The following CDH18 variants were observed in gnomAD, a reference collection of about 807,000 sequenced individuals.
CDH18 encodes cadherin 18.
A neutral mutation model predicts 67.9 loss-of-function variants in CDH18; 31 were observed. That is an observed-to-expected ratio of 0.46 (90% CI 0.34 to 0.62). The LOEUF is 0.62. Ranked by LOEUF, CDH18 falls within the 20% of genes least tolerant of loss-of-function variation. The probability of loss-of-function intolerance (pLI) is 0.01; values close to 1 mark genes in which losing one functional copy is unlikely to be tolerated. For synonymous variants in CDH18, 362 were observed against 347.2 expected, an observed-to-expected ratio of 1.04 and a Z score of -0.48; for missense variants, 890 against 975.5, an observed-to-expected ratio of 0.91 and a Z score of 1.17.
intron 2 of CDH18, among the ~76,000 whole-genome samples, chr5:19,857,945 T>C (rs1784480502): frequency 6.6e-6 from 1 of 152,202 alleles, no homozygotes; most frequent in South Asian, 2.1e-4. Context: ...TAAAAATCTA[T>C]CTAATATTAA....
chr5:19,733,598 A>G (rs930635927), intron 4 of CDH18, among the ~76,000 whole-genome samples: 2 of 152,070 alleles, frequency 1.3e-5, no homozygotes, highest in Non-Finnish European at 2.9e-5. Flanking sequence ...GGGTGCCCAG[A>G]AAGTCTATAA....
chr5:20,418,697 CTTAAGT>C (rs1747559398), intron 1 of CDH18, among the ~76,000 whole-genome samples: 2 of 151,850 alleles, frequency 1.3e-5, no homozygotes, highest in Non-Finnish European at 2.9e-5. Flanking sequence ...TGTAAGACAA[CTTAAGT>C]TTAACTGTGT....
intron 5 of CDH18, among the ~76,000 whole-genome samples, chr5:19,688,285 G>A (rs1761394133): frequency 6.6e-6 from 1 of 152,130 alleles, no homozygotes; most frequent in South Asian, 2.1e-4. Context: ...ACACTGCCTG[G>A]GAGCCTAGTG....
intron 2 of CDH18, among the ~76,000 whole-genome samples, chr5:20,174,898 T>C (rs1737112837): frequency 6.6e-6 from 1 of 152,166 alleles, no homozygotes; most frequent in African/African-American, 2.4e-5. Context: ...TGACTTTTTT[T>C]GCAATAAGCA....
chr5:20,498,334 A>T (rs1754035041), intron 1 of CDH18, among the ~76,000 whole-genome samples: 1 of 152,106 alleles, frequency 6.6e-6, no homozygotes, highest in African/African-American at 2.4e-5. Flanking sequence ...ATGTAACACA[A>T]TCAGCTGCAT....
intron 1 of CDH18, among the ~76,000 whole-genome samples, chr5:20,334,785 C>CAT (rs1739570910): frequency 1.3e-5 from 2 of 148,964 alleles, no homozygotes; most frequent in South Asian, 4.2e-4. Flanking sequence ...CACACACACA[C>CAT]ACACACAAAT....
chr5:19,984,023 C>T lies in CDH18; in HGVS notation c.-375-2845G>A, dbSNP rs1015210241. The stretch of plus-strand genomic sequence containing the variant: ...CTTCAACATTGAACTAAGCATCAGA[C>T]CTATGCCTAATGGCACACTGGACTC... On this transcript the variant is annotated intron_variant, in intron 1 of 12. Transcript: ENST00000382275. Among the ~76,000 whole-genome samples the T allele has an allele frequency of 2.6e-5, 4 of 152,196 alleles. No individual in the cohort carries two copies. The South Asian group carries it at 8.3e-4, about 32-fold the overall frequency.
intron 8 of CDH18, among the ~76,000 whole-genome samples, chr5:19,549,604 G>T (rs951988907): frequency 8.4e-6 from 1 of 119,492 alleles, no homozygotes; most frequent in Non-Finnish European, 1.7e-5. Context: ...TTCGGGAAAA[G>T]AAGAAAATAA....
chr5:19,918,513 C>A (rs1792074827), intron 2 of CDH18, among the ~76,000 whole-genome samples: 1 of 152,056 alleles, frequency 6.6e-6, no homozygotes, highest in Non-Finnish European at 1.5e-5. Context: ...GTGCTAAGGT[C>A]ACATTGTAAT....
chr5:20,082,112 A>G (rs898503165), intron 2 of CDH18, among the ~76,000 whole-genome samples: 5 of 152,114 alleles, frequency 3.3e-5, no homozygotes, highest in Non-Finnish European at 7.3e-5. Flanking sequence ...TTTGGAAAAT[A>G]GTTTTCTCCA....
intron 2 of CDH18, among the ~76,000 whole-genome samples, chr5:20,053,362 C>A (rs1230179501): frequency 6.6e-6 from 1 of 151,388 alleles, no homozygotes; most frequent in East Asian, 1.9e-4. Context: ...TTTTAAGGTT[C>A]CTCTCTCTTT....
intron 2 of CDH18, among the ~76,000 whole-genome samples, chr5:20,147,884 T>C (rs972299917): frequency 2.0e-5 from 3 of 152,140 alleles, no homozygotes; most frequent in Non-Finnish European, 4.4e-5. Flanking sequence ...TAACCACCTA[T>C]ACAGAACTTA....
At chr5:20,531,730 G>A (rs918304387) in intron 1 of CDH18, among the ~76,000 whole-genome samples, 3 of 152,026 alleles carry the variant, frequency 2.0e-5, no homozygotes, top group African/African-American at 4.8e-5. Flanking sequence ...CAACAATGGG[G>A]CCTGTTGGGG....
intron 2 of CDH18, among the ~76,000 whole-genome samples, chr5:19,849,687 T>C (rs865866326): frequency 2.4e-5 from 2 of 83,952 alleles, no homozygotes; most frequent in African/African-American, 8.3e-5. Flanking sequence ...TATATAAACA[T>C]ATATATATAC....
At chr5:20,080,257 G>T (rs1744335486) in intron 2 of CDH18, among the ~76,000 whole-genome samples, 1 of 151,304 alleles carries the variant, frequency 6.6e-6, no homozygotes, top group South Asian at 2.1e-4. Context: ...TTATTACATT[G>T]GCCTTCCTTG....
chr5:19,637,846 C>T (rs932547896), intron 5 of CDH18, among the ~76,000 whole-genome samples: 12 of 152,140 alleles, frequency 7.9e-5, no homozygotes, highest in African/African-American at 2.7e-4. Context: ...AATCTCACTC[C>T]TAAGCTGCAC....
intron 1 of CDH18, among the ~76,000 whole-genome samples, chr5:20,285,937 G>A (rs1580668806): frequency 6.6e-6 from 1 of 151,452 alleles, no homozygotes; most frequent in Non-Finnish European, 1.5e-5. Flanking sequence ...GACCTGTTCT[G>A]CATATCTTTA....
chr5:19,587,729 A>T (rs1472708033), intron 7 of CDH18, among the ~76,000 whole-genome samples: 1 of 151,908 alleles, frequency 6.6e-6, no homozygotes, highest in Non-Finnish European at 1.5e-5. Flanking sequence ...AGATAGCATA[A>T]TGCCTCCAGA....
At chr5:20,276,298 G>A (rs1276886762) in intron 1 of CDH18, among the ~76,000 whole-genome samples, 1 of 152,182 alleles carries the variant, frequency 6.6e-6, no homozygotes, top group Non-Finnish European at 1.5e-5. Flanking sequence ...ACTGAGGAGA[G>A]GAGAGGGAAG....
Sources: gnomAD v4.1 joint callset for allele counts (sites outside exome capture counted in the v4.1 genomes callset) on GRCh38, gnomAD v4.1.1 for gene constraint, MANE v1.5 for transcripts, NCBI Gene and HGNC (gene_info 2026-07-23, HGNC 2026-07-21) for gene names.